The following RNF150 variants were observed in gnomAD, a reference collection of about 807,000 sequenced individuals.
RNF150 encodes the protein ring finger protein 150.
Under a neutral mutation model 39.3 loss-of-function variants are expected in RNF150, and 24 were observed. The observed-to-expected ratio is 0.61, with a 90% CI of 0.44 to 0.86. The LOEUF is 0.86. Ranked by LOEUF, RNF150 falls within the 40% of genes least tolerant of loss-of-function variation. RNF150 has a pLI of 0.00. For synonymous variants in RNF150, 255 were observed against 227.3 expected, an observed-to-expected ratio of 1.12 and a Z score of -1.10; for missense variants, 502 against 587.8, an observed-to-expected ratio of 0.85 and a Z score of 1.51.
At chr4:141,085,803 T>C (rs1651374397) in intron 1 of RNF150, among the ~76,000 whole-genome samples, 1 of 152,144 alleles carries the variant, frequency 6.6e-6, no homozygotes, top group South Asian at 2.1e-4. Context: ...TGAGAAATCA[T>C]GTTAGATTCT....
chr4:140,903,112 GAAATCACCTAACAA>G (rs1414308626), intron 6 of RNF150, among the ~76,000 whole-genome samples: 2 of 152,142 alleles, frequency 1.3e-5, no homozygotes, highest in Admixed American at 6.5e-5. Flanking sequence ...AAGGATCTTA[GAAATCACCTAACAA>G]AAATGCAGAA....
At chr4:141,031,983 G>A (rs756522015) in intron 1 of RNF150, among the ~76,000 whole-genome samples, 2 of 151,266 alleles carry the variant, frequency 1.3e-5, no homozygotes, top group African/African-American at 2.4e-5. Context: ...ATCCACTGAT[G>A]GATGAATGGA....
chr4:141,205,725 C>T (rs1056144399), intron 1 of RNF150, among the ~76,000 whole-genome samples: 1 of 152,178 alleles, frequency 6.6e-6, no homozygotes, highest in Non-Finnish European at 1.5e-5. Flanking sequence ...ACAGAATAAT[C>T]TCTTAGTTTC....
Position 140,905,497 on chromosome 4 carries a change from C to A in RNF150, c.1198+5647G>T, listed in dbSNP as rs547061249. Among the ~76,000 whole-genome samples, 45 of 152,136 alleles carry A rather than the reference C, an allele frequency of 3.0e-4. No individual in the cohort carries two copies. In the South Asian group the frequency reaches 3.5e-3, roughly 12 times the overall value. On this transcript the variant is annotated intron_variant, in intron 6 of 6. Transcript: ENST00000515673. ...TGAAATGTATAAAGGGGAACTTGTT[C>A]GGTAATTCTTGACCCCATCACCCAT...
rs528168902 is a variant in RNF150 at position 140,946,900 on chromosome 4, T to C, written c.890+754A>G. The stretch of plus-strand genomic sequence containing the variant: ...TTTATTTTTGGGACATTTACACAGA[T>C]GCAAAAAACACTAAAAATGGTTGTC... On this transcript the variant is annotated intron_variant, in intron 4 of 6. Transcript: ENST00000515673. Among the ~76,000 whole-genome samples, 6 of 152,238 alleles carry C rather than the reference T, an allele frequency of 3.9e-5. No homozygotes were observed. The South Asian group carries it at 1.2e-3, about 32-fold the overall frequency.
At chr4:140,991,806 A>G (rs910911119) in intron 1 of RNF150, among the ~76,000 whole-genome samples, 3 of 152,230 alleles carry the variant, frequency 2.0e-5, no homozygotes, top group African/African-American at 7.2e-5. Flanking sequence ...GAGAGCAGAG[A>G]AAAGCCTGGC....
intron 4 of RNF150, among the ~76,000 whole-genome samples, chr4:140,935,903 C>G (rs1326119187): frequency 6.6e-6 from 1 of 152,170 alleles, no homozygotes; most frequent in East Asian, 1.9e-4. Context: ...TATACACCAT[C>G]CTATCACCCC....
In RNF150 at chr4:141,186,792, C is replaced by CA. The variant is rs377139697; in HGVS notation, c.-6+26001dup. Among the ~76,000 whole-genome samples, 12 of 151,620 alleles carry CA rather than the reference C, an allele frequency of 7.9e-5. No individual in the cohort carries two copies. In the East Asian group the frequency reaches 9.7e-4, roughly 12 times the overall value. Reference sequence around the variant, plus strand: ...GGTCCACCTATTTTGTTAATCTTTTCAAAAAAAACCAGCTCCTGGATTCAT... The same window carrying CA: ...GGTCCACCTATTTTGTTAATCTTTTCAAAAAAAAACCAGCTCCTGGATTCAT... On this transcript the variant is annotated intron_variant, in intron 1 of 7. Transcript: ENST00000420921.
At chr4:140,911,109 T>C in intron 6 of RNF150, 35 bp downstream of exon 6, 8 of 1,553,068 alleles carry the variant, frequency 5.2e-6, no homozygotes, top group Non-Finnish European at 7.1e-6. Flanking sequence ...CAACAGTCCT[T>C]CTGGCTATGT....
At position 140,949,389 on chromosome 4, in the gene RNF150, TG is replaced by T. The variant is rs1425865501; in HGVS notation, c.736-18del. On this transcript the variant is annotated intron_variant, in intron 2 of 6. Coordinates refer to ENST00000515673, the MANE Select transcript of RNF150 (RefSeq NM_020724.2). Reference sequence around the variant, plus strand: ...CAGTCGGCGCTGAAAAGCCAAAACGTGCTTGTTAATAATAAAGATCTGTAAT... The same window carrying T: ...CAGTCGGCGCTGAAAAGCCAAAACGTCTTGTTAATAATAAAGATCTGTAAT... 6.2e-7 allele frequency: 1 copy of T among 1,608,520 alleles called. No homozygotes were observed. Among genetic ancestry groups the T allele is most frequent in the Non-Finnish European group, 8.5e-7 (1 of 1,175,634 alleles).
chr4:140,903,967 C>T (rs1267536369), intron 6 of RNF150, among the ~76,000 whole-genome samples: 1 of 152,214 alleles, frequency 6.6e-6, no homozygotes, highest in Non-Finnish European at 1.5e-5. Flanking sequence ...CTGGCAGTCT[C>T]GCTTTGAGTG....
intron 1 of RNF150, among the ~76,000 whole-genome samples, chr4:141,080,084 ATACT>A (rs1738092831): frequency 6.6e-6 from 1 of 152,202 alleles, no homozygotes; most frequent in Non-Finnish European, 1.5e-5. Flanking sequence ...CAAAAAAGAC[ATACT>A]TAGTATTTGA....
Position 140,860,668 on chromosome 4 carries a change from C to G in RNF150, c.*7593G>C, listed in dbSNP as rs1256797562. On this transcript the variant is annotated 3_prime_UTR_variant, in exon 7 of 7. Transcript: ENST00000515673. ...GATGGAAAAAAAGCCATTGGAATTT[C>G]CTCTTGCTAGTAGGGAGGAAGATTG... 1 of 152,160 alleles carries G rather than the reference C, an allele frequency of 6.6e-6. No homozygotes were observed. Among genetic ancestry groups the G allele is most frequent in the Non-Finnish European group, 1.5e-5 (1 of 68,014 alleles). 9.4% of individuals were successfully genotyped at this position (152,160 alleles called of 1,614,324 possible).
intron 1 of RNF150, among the ~76,000 whole-genome samples, chr4:141,118,877 C>T (rs759309461): frequency 2.0e-5 from 3 of 152,156 alleles, no homozygotes; most frequent in African/African-American, 7.2e-5. Context: ...TCTCCTGCCT[C>T]AGCCTCCCGG....
At chr4:141,059,968 G>C (rs1737147876) in intron 1 of RNF150, among the ~76,000 whole-genome samples, 2 of 152,022 alleles carry the variant, frequency 1.3e-5, no homozygotes, top group Non-Finnish European at 2.9e-5. Context: ...AAATGAATTA[G>C]GTGATGGAAA....
Position 140,933,822 on chromosome 4 carries a change from G to T in RNF150, c.891-7749C>A, listed in dbSNP as rs1050786401. 3.3e-5 allele frequency among the ~76,000 whole-genome samples: 5 copies of T among 151,922 alleles called. No homozygotes were observed. The East Asian group carries it at 9.6e-4, about 29-fold the overall frequency. ...CCTATACAGGAAGTCCTTGTGATGGGGATGATCTAGTCATCACTTGCTATG... is the reference window on the plus strand; with the variant it reads ...CCTATACAGGAAGTCCTTGTGATGGTGATGATCTAGTCATCACTTGCTATG... On this transcript the variant is annotated intron_variant, in intron 4 of 6. Coordinates refer to ENST00000515673, the MANE Select transcript of RNF150 (RefSeq NM_020724.2).
chr4:141,033,068 C>A (rs1232438513), intron 1 of RNF150, among the ~76,000 whole-genome samples: 3 of 152,152 alleles, frequency 2.0e-5, no homozygotes, highest in African/African-American at 7.2e-5. Flanking sequence ...TCAATTGATT[C>A]TTCCTTTCAC....
At chr4:141,028,614 T>C (rs1221475169) in intron 1 of RNF150, among the ~76,000 whole-genome samples, 1 of 152,238 alleles carries the variant, frequency 6.6e-6, no homozygotes, top group East Asian at 1.9e-4. Context: ...ATGTATCATG[T>C]TCTTTAATAT....
chr4:141,183,987 T>C (rs936309881), intron 1 of RNF150, among the ~76,000 whole-genome samples: 1 of 152,226 alleles, frequency 6.6e-6, no homozygotes, highest in African/African-American at 2.4e-5. Context: ...TGTGTCTTTA[T>C]AGTAGAATGA....
Sources: gnomAD v4.1 joint callset for allele counts (sites outside exome capture counted in the v4.1 genomes callset) on GRCh38, gnomAD v4.1.1 for gene constraint, MANE v1.5 for transcripts, NCBI Gene and HGNC (gene_info 2026-07-23, HGNC 2026-07-21) for gene names.